The following NLRP12 variants were observed in gnomAD, a reference collection of about 807,000 sequenced individuals.
The protein encoded by NLRP12 is NACHT, LRR and PYD domains-containing protein 12.
A neutral mutation model predicts 91.2 loss-of-function variants in NLRP12; 108 were observed. The ratio of observed to expected loss-of-function variants is 1.18; its 90% CI spans 1.01 to 1.39. NLRP12 has a LOEUF of 1.39. NLRP12 is among the 40% of genes most tolerant of loss of function. NLRP12 has a pLI of 0.00. For missense variants in NLRP12, 1,530 were observed against 1,352.7 expected (o/e 1.13, Z -2.06); for synonymous variants, 613 against 566.7 (o/e 1.08, Z -1.16).
At chr19:53,806,679 CAAAAAAAAAAAAA>C (rs58275455) in intron 4 of NLRP12, among the ~76,000 whole-genome samples, 6 of 43,378 alleles carry the variant, frequency 1.4e-4, no homozygotes, top group African/African-American at 6.4e-4. Context: ...GACTCCGTCT[CAAAAAAAAAAAAA>C]AAAAAAAAAA....
intron 6 of NLRP12, among the ~76,000 whole-genome samples, chr19:53,801,842 C>G (rs2091880603): frequency 1.3e-5 from 2 of 152,006 alleles, no homozygotes; most frequent in Admixed American, 1.3e-4. Flanking sequence ...CCTGTAATCC[C>G]AGCACTTTGG....
chr19:53,798,492 T>C, intron 7 of NLRP12, 79 bp from the exon 8 acceptor site: 1 of 1,439,480 alleles, frequency 6.9e-7, no homozygotes, highest in Non-Finnish European at 9.6e-7. Flanking sequence ...TGCCAAGCCC[T>C]GTGCTGGTTG....
At chr19:53,805,228 T>C in intron 5 of NLRP12, 52 bp downstream of exon 5, 3 of 1,558,910 alleles carry the variant, frequency 1.9e-6, no homozygotes, top group Non-Finnish European at 2.7e-6. Flanking sequence ...TGATATTTCA[T>C]GCCCCAGGAG....
chr19:53,822,103 C>G (rs528602421), intron 1 of NLRP12, among the ~76,000 whole-genome samples: 2 of 152,146 alleles, frequency 1.3e-5, no homozygotes, highest in Admixed American at 6.6e-5. Flanking sequence ...GGACTCGTGG[C>G]GGGGAGAAAT....
chr19:53,800,902 A>T (rs941627097), intron 7 of NLRP12, among the ~76,000 whole-genome samples: 7 of 152,114 alleles, frequency 4.6e-5, no homozygotes, highest in African/African-American at 1.7e-4. Flanking sequence ...CCTTTTAAAA[A>T]GGCTGATGTA....
At chr19:53,805,006 G>T (rs1490114827) in intron 5 of NLRP12, among the ~76,000 whole-genome samples, 1 of 152,068 alleles carries the variant, frequency 6.6e-6, no homozygotes, top group African/African-American at 2.4e-5. Flanking sequence ...CCCCAACTTG[G>T]GCAACATAGC....
At chr19:53,823,343 A>AT (rs2092288608) in intron 1 of NLRP12, among the ~76,000 whole-genome samples, 15 of 136,588 alleles carry the variant, frequency 1.1e-4, no homozygotes, top group African/African-American at 4.1e-4. Context: ...TTTATATATA[A>AT]TATATACCAT....
intron 8 of NLRP12, 165 bp from the exon 9 acceptor site, chr19:53,796,194 G>A (rs1256781102): frequency 1.4e-6 from 1 of 691,528 alleles, no homozygotes; most frequent in Non-Finnish European, 2.6e-6. Context: ...AGCCTCCTGA[G>A]TAGCTGGGAT....
intron 3 of NLRP12, 70 bp downstream of exon 3, chr19:53,809,517 C>CAAGAA: frequency 1.4e-6 from 1 of 691,936 alleles, no homozygotes; most frequent in East Asian, 3.3e-5. Context: ...GGCAACAGAG[C>CAAGAA]AAAAAAAAAA....
chr19:53,798,019 G>A (rs1345321441), intron 8 of NLRP12, among the ~76,000 whole-genome samples: 2 of 152,222 alleles, frequency 1.3e-5, no homozygotes, highest in Non-Finnish European at 2.9e-5. Flanking sequence ...ACAGGCATGC[G>A]CCATCGCGCC....
chr19:53,812,161 G>A (rs1438433273), intron 2 of NLRP12, among the ~76,000 whole-genome samples: 1 of 151,632 alleles, frequency 6.6e-6, no homozygotes, highest in African/African-American at 2.4e-5. Flanking sequence ...GTACAGACAG[G>A]GTCTTGCTGT....
At chr19:53,796,260 T>G in intron 8 of NLRP12, 2 of 496,806 alleles carry the variant, frequency 4.0e-6, no homozygotes, top group Non-Finnish European at 7.5e-6. Flanking sequence ...CTTTTATTTT[T>G]GTTTTGTTTG....
chr19:53,807,780 C>G lies in NLRP12; in HGVS notation c.2073-115G>C, dbSNP rs574691412. On this transcript the variant is annotated intron_variant, in intron 3 of 9. Coordinates refer to ENST00000324134, the MANE Select transcript of NLRP12 (RefSeq NM_144687.4). ...GCTATCCTTTTTTGAGACGGAGTTT[C>G]GCTCTTGTTGCCCAGGCTGGAGTGC... 3.2e-5 allele frequency: 41 copies of G among 1,265,338 alleles called. No homozygotes were observed. The Admixed American group carries it at 5.2e-4, about 16-fold the overall frequency. 78.4% of individuals were successfully genotyped at this position (1,265,338 alleles called of 1,614,324 possible).
chr19:53,815,434 G>A (rs762330352), intron 1 of NLRP12, among the ~76,000 whole-genome samples: 12 of 151,680 alleles, frequency 7.9e-5, no homozygotes, highest in Non-Finnish European at 4.4e-5. Context: ...TCACTATGTT[G>A]GCCAGGCTGG....
At position 53,809,686 on chromosome 19, in the gene NLRP12, C is replaced by T. The variant is rs747407983; in HGVS notation, c.1973G>A (p.Arg658Lys). Residue 658 changes from arginine to lysine, a missense_variant, in exon 3 of 10, where the codon AGG becomes AAG. By Grantham distance (26) the Arg-to-Lys change is conservative. Coordinates refer to ENST00000324134, the MANE Select transcript of NLRP12 (RefSeq NM_144687.4). ...MVSSFCLKRCRSAQVLHLYGA... is the reference protein window; with the variant it reads ...MVSSFCLKRCKSAQVLHLYGA... Reference sequence around the variant, plus strand: ...ATACAAGTGCAGCACCTGGGCGCTCCTGCAGCGCTTCAGACAGAACGAGGA... The same window carrying T: ...ATACAAGTGCAGCACCTGGGCGCTCTTGCAGCGCTTCAGACAGAACGAGGA... The T allele has an allele frequency of 9.3e-6, 15 of 1,614,032 alleles. No individual in the cohort carries two copies. The highest frequency in any genetic ancestry group is 8.5e-6 in the Non-Finnish European group (10 of 1,180,044).
intron 6 of NLRP12, among the ~76,000 whole-genome samples, chr19:53,801,609 C>A (rs117788492): frequency 6.6e-6 from 1 of 151,588 alleles, no homozygotes; most frequent in Non-Finnish European, 1.5e-5. Context: ...TGTGGCATCA[C>A]GCCTAGTTAG....
chr19:53,819,451 A>G (rs374034349), intron 1 of NLRP12, among the ~76,000 whole-genome samples: 493 of 10,602 alleles, frequency 0.047, 71 homozygotes, highest in Non-Finnish European at 0.071. Flanking sequence ...ATATATATAT[A>G]TATATATGTG....
chr19:53,816,481 G>A (rs146546246), intron 1 of NLRP12, among the ~76,000 whole-genome samples: 2,337 of 151,846 alleles, frequency 0.015, 34 homozygotes, highest in Non-Finnish European at 0.025. Flanking sequence ...CCTCTGTTCA[G>A]TGCTGGCTCT....
rs3973673 is a variant in NLRP12, at chr19:53,809,224, T to TAAAAA, written c.2072+358_2072+362dup. Reference sequence around the variant, plus strand: ...CTAGGAGACCAAGAGAGACTTAGTTTAAAAAAAAAAAAAAAAAAAAATCGT... The same window carrying TAAAAA: ...CTAGGAGACCAAGAGAGACTTAGTTTAAAAAAAAAAAAAAAAAAAAAAAAAATCGT... On this transcript the variant is annotated intron_variant, in intron 3 of 9. Coordinates refer to ENST00000324134, the MANE Select transcript of NLRP12 (RefSeq NM_144687.4). Among the ~76,000 whole-genome samples the TAAAAA allele has an allele frequency of 6.3e-3, 848 of 133,596 alleles. 4 individuals carry two copies. The highest frequency in any genetic ancestry group is 0.023 in the African/African-American group (789 of 34,750). The allele number at this position is 133,596 out of a possible 152,430, so 87.6% of individuals were successfully genotyped here. A position where few individuals can be genotyped will look rare whatever the true frequency, so the allele number is the denominator to read the frequency against.
Sources: allele counts gnomAD v4.1 joint callset (sites outside exome capture counted in the v4.1 genomes callset), GRCh38; gene constraint gnomAD v4.1.1; transcripts MANE v1.5; gene names NCBI Gene and HGNC (gene_info 2026-07-23, HGNC 2026-07-21).